ARFGEF3: variants seen among roughly 807,000 people sequenced by gnomAD.
The protein encoded by ARFGEF3 is brefeldin A-inhibited guanine nucleotide-exchange protein 3.
Under a neutral mutation model 221.7 loss-of-function variants are expected in ARFGEF3, and 96 were observed. The ratio of observed to expected loss-of-function variants is 0.43; its 90% CI spans 0.37 to 0.51. The LOEUF is 0.51. ARFGEF3 is among the 20% of genes least tolerant of loss of function. ARFGEF3 has a pLI of 0.00. For missense variants in ARFGEF3, 2,410 were observed against 2,789.9 expected (o/e 0.86, Z 3.07); for synonymous variants, 1,145 against 1,126.8 (o/e 1.02, Z -0.32).
At chr6:138,326,628 G>A (rs1019899432) in intron 31 of ARFGEF3, among the ~76,000 whole-genome samples, 5 of 152,324 alleles carry the variant, frequency 3.3e-5, no homozygotes, top group East Asian at 3.9e-4. Flanking sequence ...TGGTGAGGTC[G>A]TAGAGAAAAA....
At chr6:138,219,900 C>T (rs1316778922) in intron 4 of ARFGEF3, among the ~76,000 whole-genome samples, 3 of 152,160 alleles carry the variant, frequency 2.0e-5, no homozygotes, top group African/African-American at 7.2e-5. Context: ...TTGTAAATCC[C>T]ATCATGTTGA....
rs116658029 is a variant in ARFGEF3 at position 138,277,341 on chromosome 6, A to G, written c.2129-1110A>G. 1.8e-3 allele frequency among the ~76,000 whole-genome samples: 275 copies of G among 152,314 alleles called. 3 individuals are homozygous for G. Among genetic ancestry groups the G allele is most frequent in the African/African-American group, 6.4e-3 (267 of 41,564 alleles). ...GCTGAGTAATACCCATTTTATATAC[A>G]TACCACAATTTGCTTATCCATTCAT... On this transcript the variant is annotated intron_variant, in intron 12 of 33. Coordinates refer to ENST00000251691, the MANE Select transcript of ARFGEF3 (RefSeq NM_020340.5).
Position 138,182,648 on chromosome 6 carries a change from C to G in ARFGEF3, c.137+11935C>G, listed in dbSNP as rs185079165. Among the ~76,000 whole-genome samples the G allele has an allele frequency of 6.1e-4, 93 of 152,308 alleles. 1 individual carries two copies. The highest frequency in any genetic ancestry group is 5.3e-3 in the Admixed American group (81 of 15,304). ...AGGAAACTTTAAGATAAAAGAGACT[C>G]TAGTCTGGAATTGATGTGAATACCC... On this transcript the variant is annotated intron_variant, in intron 2 of 33. Transcript: ENST00000251691.
At chr6:138,210,111 T>C in intron 4 of ARFGEF3, 70 bp downstream of exon 4, 1 of 1,508,010 alleles carries the variant, frequency 6.6e-7, no homozygotes, top group East Asian at 2.3e-5. Flanking sequence ...GCACTTGTTA[T>C]CTGAAAATGC....
chr6:138,298,398 A>G (rs1779561239), intron 21 of ARFGEF3, among the ~76,000 whole-genome samples: 1 of 152,218 alleles, frequency 6.6e-6, no homozygotes, highest in South Asian at 2.1e-4. Context: ...CATTAACATG[A>G]AATTGAGGTT....
rs557040224 is a variant in ARFGEF3, at chr6:138,185,195, C to T, written c.137+14482C>T. Among the ~76,000 whole-genome samples, 8 of 152,274 alleles carry T rather than the reference C, an allele frequency of 5.3e-5. No homozygotes were observed. In the East Asian group the frequency reaches 1.3e-3, roughly 26 times the overall value. On this transcript the variant is annotated intron_variant, in intron 2 of 33. Transcript: ENST00000251691. Reference sequence around the variant, plus strand: ...TCTTTCTTCCTCCAAAACGTTTCACCTTCAAATGATGCTTGGAGCAGCTAT... The same window carrying T: ...TCTTTCTTCCTCCAAAACGTTTCACTTTCAAATGATGCTTGGAGCAGCTAT...
rs771537463 is a variant in ARFGEF3, at chr6:138,334,649, G to A, written c.5803G>A (p.Asp1935Asn). The A allele has an allele frequency of 3.1e-6, 5 of 1,613,458 alleles. No homozygotes were observed. The highest frequency in any genetic ancestry group is 4.5e-5 in the East Asian group (2 of 44,864). The change falls in exon 33 of 34, where the codon GAC becomes AAC. Residue 1935 changes from aspartate to asparagine, a missense_variant. Asp to Asn is a conservative substitution (Grantham distance 23). Coordinates refer to ENST00000251691, the MANE Select transcript of ARFGEF3 (RefSeq NM_020340.5). The surrounding 1 kb of genome is among the most constrained non-coding windows in gnomAD (Gnocchi z 5.1). Reference protein sequence around the residue: ...CMEEPPIFKGDPFFILPSFQS... With the variant: ...CMEEPPIFKGNPFFILPSFQS... ...GGAGGAGCCTCCCATCTTCAAGGGCGACCCGTTCTTCATCCTGCCCTCCTT... is the reference window on the plus strand; with the variant it reads ...GGAGGAGCCTCCCATCTTCAAGGGCAACCCGTTCTTCATCCTGCCCTCCTT...
intron 14 of ARFGEF3, among the ~76,000 whole-genome samples, chr6:138,283,976 T>A (rs1470497800): frequency 6.6e-6 from 1 of 152,078 alleles, no homozygotes; most frequent in Non-Finnish European, 1.5e-5. Context: ...ATAAGTCTCA[T>A]CCTCTTGGGG....
intron 2 of ARFGEF3, among the ~76,000 whole-genome samples, chr6:138,204,749 T>G (rs182503564): frequency 9.6e-4 from 147 of 152,332 alleles, no homozygotes; most frequent in African/African-American, 3.5e-3. Flanking sequence ...CCCACAGAGT[T>G]TAGTATTTCA....
In ARFGEF3 at chr6:138,334,460, C is replaced by G. The variant is rs767279185; in HGVS notation, c.5614C>G (p.Pro1872Ala). The change falls in exon 33 of 34, where the codon CCG becomes GCG. Residue 1872 changes from proline (P) to alanine (A), a missense_variant. Around this residue, in one of 5 missense-constraint regions of ARFGEF3, gnomAD observed 723 missense variants for 991.9 expected, o/e 0.73. Coordinates refer to ENST00000251691, the MANE Select transcript of ARFGEF3 (RefSeq NM_020340.5). This position sits in a 1 kb window ranked among gnomAD's most constrained non-coding sequence, Gnocchi z 5.1. ...IFEETAQVSP[P>A]RGKEKRQWRA... ...TGAGGAAACCGCCCAGGTCAGCCCC[C>G]CGAGAGGCAAGGAGAAGAGACAGTG... 1.7e-5 allele frequency: 28 copies of G among 1,611,694 alleles called. No homozygotes were observed. Among genetic ancestry groups the G allele is most frequent in the Non-Finnish European group, 2.2e-5 (26 of 1,179,232 alleles).
At chr6:138,264,827 A>T (rs1258631643) in intron 12 of ARFGEF3, among the ~76,000 whole-genome samples, 1 of 152,146 alleles carries the variant, frequency 6.6e-6, no homozygotes, top group Non-Finnish European at 1.5e-5. Flanking sequence ...AAGCTGACCA[A>T]ATTGTCCTTT....
intron 4 of ARFGEF3, among the ~76,000 whole-genome samples, chr6:138,227,103 G>A (rs1285925299): frequency 6.6e-6 from 1 of 151,544 alleles, no homozygotes; most frequent in African/African-American, 2.4e-5. Context: ...GACATTAGGT[G>A]TGGAAAGCCT....
At chr6:138,297,715 G>A (rs923921560) in intron 21 of ARFGEF3, among the ~76,000 whole-genome samples, 3 of 152,214 alleles carry the variant, frequency 2.0e-5, no homozygotes, top group African/African-American at 7.2e-5. Flanking sequence ...CTACAATAAG[G>A]CCTCCCCAAC....
intron 11 of ARFGEF3, 37 bp from the exon 12 acceptor site, chr6:138,262,664 T>C (rs1234572775): frequency 6.5e-7 from 1 of 1,541,020 alleles, no homozygotes; most frequent in African/African-American, 1.4e-5. Flanking sequence ...CTACATTTTA[T>C]GCATTTATTC....
At position 138,162,721 on chromosome 6, in the gene ARFGEF3, T is replaced by A. The variant is rs1296106878; in HGVS notation, c.85+550T>A. Among the ~76,000 whole-genome samples the A allele has an allele frequency of 6.6e-6, 1 of 152,196 alleles. No homozygotes were observed. The highest frequency in any genetic ancestry group is 1.5e-5 in the Non-Finnish European group (1 of 68,028). ...TCTGCAATTCTGTTGTGGTCTGCCC[T>A]TCAGACAGGTGGGATTTTAGGGCTG... is the stretch of plus-strand genomic sequence containing the variant. On this transcript the variant is annotated intron_variant, in intron 1 of 33. Coordinates refer to ENST00000251691, the MANE Select transcript of ARFGEF3 (RefSeq NM_020340.5). The surrounding 1 kb of genome is among the most constrained non-coding windows in gnomAD (Gnocchi z 4.7).
chr6:138,254,682 A>G (rs1374592098), intron 9 of ARFGEF3, among the ~76,000 whole-genome samples: 2 of 152,084 alleles, frequency 1.3e-5, no homozygotes, highest in African/African-American at 4.8e-5. Context: ...GTGAGCCGAG[A>G]TCGTGCCTGG....
At position 138,291,895 on chromosome 6, in the gene ARFGEF3, G is replaced by A. The variant is rs375225716; in HGVS notation, c.3210G>A (p.Gly1070=). The change falls in exon 19 of 34, where the codon GGG becomes GGA. Residue 1070 remains glycine (G), a synonymous_variant. Coordinates refer to ENST00000251691, the MANE Select transcript of ARFGEF3 (RefSeq NM_020340.5). This position sits in a 1 kb window ranked among gnomAD's most constrained non-coding sequence, Gnocchi z 4.5. ...GSPPEHSPEQ[G]RSLSTAPVVQ... ...CCCCCGAGCACAGCCCGGAGCAGGG[G>A]CGCTCCCTGAGCACGGCCCCTGTCG... The A allele has an allele frequency of 1.3e-6, 2 of 1,494,226 alleles. No individual in the cohort carries two copies. The highest frequency in any genetic ancestry group is 9.0e-7 in the Non-Finnish European group (1 of 1,117,016). 92.6% of individuals were successfully genotyped at this position (1,494,226 alleles called of 1,614,324 possible). A position where few individuals can be genotyped will look rare whatever the true frequency, so the allele number is the denominator to read the frequency against.
intron 22 of ARFGEF3, among the ~76,000 whole-genome samples, chr6:138,304,426 T>C (rs1387052662): frequency 6.6e-6 from 1 of 152,302 alleles, no homozygotes; most frequent in Admixed American, 6.5e-5. Flanking sequence ...TAGATTGTGG[T>C]GATGTTTGCA....
intron 4 of ARFGEF3, among the ~76,000 whole-genome samples, chr6:138,218,680 G>T (rs925411505): frequency 6.6e-6 from 1 of 152,184 alleles, no homozygotes; most frequent in Admixed American, 6.5e-5. Context: ...TGAGGAGCTT[G>T]CTTGGTCAGG....
Sources: gnomAD v4.1 joint callset for allele counts (sites outside exome capture counted in the v4.1 genomes callset) on GRCh38, gnomAD v4.1.1 for gene constraint, gnomAD v4.1.1 regional missense constraint, Gnocchi (gnomAD v3.1) non-coding constraint, MANE v1.5 for transcripts, NCBI Gene and HGNC (gene_info 2026-07-23, HGNC 2026-07-21) for gene names.